The following FGGY variants were observed in gnomAD, a reference collection of about 807,000 sequenced individuals.
The protein encoded by FGGY is FGGY carbohydrate kinase domain containing, also known as FGGY carbohydrate kinase domain-containing protein.
FGGY carries 72 observed loss-of-function variants against 71.3 expected under a neutral mutation model. The observed-to-expected ratio is 1.01, with a 90% CI of 0.84 to 1.23. The LOEUF is 1.23. Ranked by LOEUF, FGGY falls within the 50% of genes most tolerant of loss-of-function variation. The probability of loss-of-function intolerance (pLI) is 0.00; values close to 1 mark genes in which losing one functional copy is unlikely to be tolerated. For missense variants in FGGY, 668 were observed against 682.3 expected, an observed-to-expected ratio of 0.98 and a Z score of 0.23; for synonymous variants, 251 against 250.3, an observed-to-expected ratio of 1.00 and a Z score of -0.02.
intron 5 of FGGY, among the ~76,000 whole-genome samples, chr1:59,446,372 T>G (rs902307959): frequency 6.6e-6 from 1 of 152,176 alleles, no homozygotes; most frequent in Non-Finnish European, 1.5e-5. Flanking sequence ...TCGGCAAGTC[T>G]GACCGAAAAA....
intron 13 of FGGY, among the ~76,000 whole-genome samples, chr1:59,670,183 A>G (rs1326394998): frequency 6.6e-6 from 1 of 152,196 alleles, no homozygotes; most frequent in African/African-American, 2.4e-5. Flanking sequence ...AAACTCATTA[A>G]TGCATCAGAT....
At chr1:59,311,871 T>C (rs2044401791) in intron 1 of FGGY, among the ~76,000 whole-genome samples, 1 of 152,260 alleles carries the variant, frequency 6.6e-6, no homozygotes. Context: ...CCACTAACAG[T>C]GTAAAAGCAT....
At chr1:59,694,294 A>T (rs1452443025) in intron 14 of FGGY, among the ~76,000 whole-genome samples, 1 of 130,516 alleles carries the variant, frequency 7.7e-6, no homozygotes, top group African/African-American at 4.0e-5. Context: ...GTCTTAAATA[A>T]ATAAATAAAT....
chr1:59,575,704 T>G (rs1330104179), intron 8 of FGGY, among the ~76,000 whole-genome samples: 1 of 152,204 alleles, frequency 6.6e-6, no homozygotes, highest in Non-Finnish European at 1.5e-5. Flanking sequence ...TAGTTTACAT[T>G]CCCACAGATT....
At chr1:59,668,799 A>G (rs2097348305) in intron 13 of FGGY, among the ~76,000 whole-genome samples, 1 of 151,874 alleles carries the variant, frequency 6.6e-6, no homozygotes, top group Admixed American at 6.6e-5. Context: ...CCTGACCAAT[A>G]TGGAGAAACC....
chr1:59,477,885 G>A (rs149069086), intron 6 of FGGY, among the ~76,000 whole-genome samples: 1 of 152,142 alleles, frequency 6.6e-6, no homozygotes, highest in East Asian at 1.9e-4. Flanking sequence ...TTCTGTTATG[G>A]ATATTGTATG....
At chr1:59,377,908 A>G (rs1016948772) in intron 4 of FGGY, among the ~76,000 whole-genome samples, 2 of 152,164 alleles carry the variant, frequency 1.3e-5, no homozygotes, top group African/African-American at 4.8e-5. Flanking sequence ...AAAATGTACA[A>G]TGGCTTGCTT....
At chr1:59,719,065 C>T (rs1163694658) in intron 14 of FGGY, among the ~76,000 whole-genome samples, 1 of 152,180 alleles carries the variant, frequency 6.6e-6, no homozygotes, top group Non-Finnish European at 1.5e-5. Context: ...TGAGAGCCAT[C>T]CCCACTAGAC....
At chr1:59,745,686 C>A (rs1360899336) in intron 14 of FGGY, among the ~76,000 whole-genome samples, 1 of 152,154 alleles carries the variant, frequency 6.6e-6, no homozygotes, top group Non-Finnish European at 1.5e-5. Context: ...CTGAAGGTAG[C>A]TATTGAATTG....
intron 14 of FGGY, among the ~76,000 whole-genome samples, chr1:59,736,823 G>A (rs894125730): frequency 6.6e-6 from 1 of 152,372 alleles, no homozygotes; most frequent in South Asian, 2.1e-4. Context: ...ATGTGTATAA[G>A]TAACAAGGAG....
chr1:59,668,807 A>AC (rs1328267613), intron 13 of FGGY, among the ~76,000 whole-genome samples: 10 of 150,530 alleles, frequency 6.6e-5, no homozygotes, highest in Non-Finnish European at 1.0e-4. Flanking sequence ...ATATGGAGAA[A>AC]CCCCATCTCT....
intron 1 of FGGY, among the ~76,000 whole-genome samples, chr1:59,312,517 G>T (rs1263745863): frequency 2.0e-5 from 3 of 152,202 alleles, no homozygotes; most frequent in African/African-American, 7.2e-5. Context: ...AAGTAAATGT[G>T]CTTTATTGGA....
At position 59,553,608 on chromosome 1, in the gene FGGY, A is replaced by C. The variant is rs780318030; in HGVS notation, c.800-516A>C. 1.3e-4 allele frequency among the ~76,000 whole-genome samples: 20 copies of C among 152,248 alleles called. 1 individual carries two copies. The highest frequency in any genetic ancestry group is 2.5e-4 in the Non-Finnish European group (17 of 68,040). ...CTAGGGATGCCAGAAAGATTCAGTC[A>C]TCAGACCATCCTTTGCTTTTGCTTC... On this transcript the variant is annotated intron_variant, in intron 7 of 15. Coordinates refer to ENST00000303721, the MANE Select transcript of FGGY (RefSeq NM_018291.5).
intron 9 of FGGY, among the ~76,000 whole-genome samples, chr1:59,612,696 A>T (rs532847730): frequency 6.6e-6 from 1 of 152,342 alleles, no homozygotes; most frequent in South Asian, 2.1e-4. Context: ...AAAGACACAG[A>T]CTGGCAAATT....
chr1:59,500,756 A>G (rs940671778), intron 6 of FGGY, among the ~76,000 whole-genome samples: 1 of 152,008 alleles, frequency 6.6e-6, no homozygotes, highest in African/African-American at 2.4e-5. Context: ...ATAGCAGAAA[A>G]CCTTCTTCAA....
intron 5 of FGGY, among the ~76,000 whole-genome samples, chr1:59,399,614 A>G (rs2061704203): frequency 6.6e-6 from 1 of 152,232 alleles, no homozygotes; most frequent in African/African-American, 2.4e-5. Flanking sequence ...TATTGTACAT[A>G]AAGTATCTAG....
chr1:59,742,527 C>T (rs1371594320), intron 14 of FGGY, among the ~76,000 whole-genome samples: 1 of 152,170 alleles, frequency 6.6e-6, no homozygotes, highest in African/African-American at 2.4e-5. Flanking sequence ...GGAATCTGTC[C>T]ATCTCATCTA....
rs182968113 is a variant in FGGY, at chr1:59,495,670, G to A, written c.671-16641G>A. ...AATTGATTTTTATATGTGGTATAAG[G>A]AAGGGGTCCAGTTTCAATCTTCTGC... On this transcript the variant is annotated intron_variant, in intron 6 of 15. Transcript: ENST00000303721. Among the ~76,000 whole-genome samples the A allele has an allele frequency of 6.3e-3, 964 of 152,176 alleles. 29 individuals carry two copies. The highest frequency in any genetic ancestry group is 0.059 in the Admixed American group (897 of 15,284).
intron 3 of FGGY, among the ~76,000 whole-genome samples, chr1:59,340,344 T>C (rs2050416294): frequency 6.6e-6 from 1 of 152,170 alleles, no homozygotes; most frequent in African/African-American, 2.4e-5. Context: ...GATTGTTAGC[T>C]AGGAGTGATT....
Sources: gnomAD v4.1 joint callset for allele counts (sites outside exome capture counted in the v4.1 genomes callset) on GRCh38, gnomAD v4.1.1 for gene constraint, MANE v1.5 for transcripts, NCBI Gene and HGNC (gene_info 2026-07-23, HGNC 2026-07-21) for gene names.